The following CSMD1 variants were observed in gnomAD, a reference collection of about 807,000 sequenced individuals.
The protein encoded by CSMD1 is CUB and sushi domain-containing protein 1.
CSMD1 carries 213 observed loss-of-function variants against 417.5 expected under a neutral mutation model. The observed-to-expected ratio is 0.51, with a 90% CI of 0.46 to 0.57. CSMD1 has a LOEUF of 0.57. Ranked by LOEUF, CSMD1 falls within the 20% of genes least tolerant of loss-of-function variation. The pLI is 0.00. For missense variants in CSMD1, 6,923 were observed against 4,529.7 expected, an observed-to-expected ratio of 1.53 and a Z score of -15.17; for synonymous variants, 2,862 against 1,736.8, an observed-to-expected ratio of 1.65 and a Z score of -16.11.
intron 3 of CSMD1, among the ~76,000 whole-genome samples, chr8:4,153,935 C>G (rs528341441): frequency 6.6e-6 from 1 of 152,348 alleles, no homozygotes; most frequent in East Asian, 1.9e-4. Flanking sequence ...ACTGTGGATC[C>G]TGCTTTCAAG....
intron 2 of CSMD1, among the ~76,000 whole-genome samples, chr8:4,584,838 C>A (rs894945893): frequency 6.6e-6 from 1 of 152,064 alleles, no homozygotes; most frequent in East Asian, 1.9e-4. Context: ...TCTAGTTTCT[C>A]CTATAAGAAA....
chr8:3,278,019 T>C (rs376384535), intron 26 of CSMD1, among the ~76,000 whole-genome samples: 8 of 152,182 alleles, frequency 5.3e-5, no homozygotes, highest in South Asian at 2.1e-4. Flanking sequence ...TTAAAAAATA[T>C]ATGGATAGAG....
At chr8:4,365,806 G>T (rs1272655275) in intron 3 of CSMD1, among the ~76,000 whole-genome samples, 2 of 152,118 alleles carry the variant, frequency 1.3e-5, no homozygotes, top group African/African-American at 4.8e-5. Flanking sequence ...TTACCCTCCA[G>T]AGGTTTTGAT....
intron 41 of CSMD1, among the ~76,000 whole-genome samples, chr8:3,131,131 C>T (rs189604372): frequency 3.2e-4 from 48 of 152,122 alleles, no homozygotes; most frequent in Admixed American, 3.1e-3. Context: ...CAAAGGAAAC[C>T]AGCCATTTTA....
chr8:4,751,273 T>C (rs1347666908), intron 1 of CSMD1, among the ~76,000 whole-genome samples: 1 of 151,952 alleles, frequency 6.6e-6, no homozygotes, highest in East Asian at 2.0e-4. Flanking sequence ...CAGTCCCAGC[T>C]ACTTGGGAGG....
At chr8:3,493,123 G>C (rs529751305) in intron 11 of CSMD1, among the ~76,000 whole-genome samples, 5 of 151,888 alleles carry the variant, frequency 3.3e-5, no homozygotes, top group South Asian at 2.1e-4. Flanking sequence ...GCAAACGCCT[G>C]TCTCTAATAA....
At chr8:4,244,102 C>T (rs1307188395) in intron 3 of CSMD1, among the ~76,000 whole-genome samples, 1 of 152,160 alleles carries the variant, frequency 6.6e-6, no homozygotes, top group Non-Finnish European at 1.5e-5. Context: ...CTGAAGATGA[C>T]TACTGGGTGC....
At chr8:4,620,093 CATTA>C (rs1165042014) in intron 2 of CSMD1, among the ~76,000 whole-genome samples, 1 of 151,734 alleles carries the variant, frequency 6.6e-6, no homozygotes, top group Non-Finnish European at 1.5e-5. Context: ...ATAATACTCA[CATTA>C]ATTAATTATT....
chr8:4,215,164 G>T (rs1472577210), intron 3 of CSMD1, among the ~76,000 whole-genome samples: 1 of 152,138 alleles, frequency 6.6e-6, no homozygotes, highest in African/African-American at 2.4e-5. Context: ...CCCAAACAGG[G>T]GCTGATAGGG....
In CSMD1 at chr8:4,470,460, T is replaced by C. The variant is rs567121578; in HGVS notation, c.303-50395A>G. 1.1e-3 allele frequency among the ~76,000 whole-genome samples: 166 copies of C among 152,368 alleles called. 1 individual carries two copies. The highest frequency in any genetic ancestry group is 3.9e-3 in the African/African-American group (163 of 41,588). On this transcript the variant is annotated intron_variant, in intron 2 of 69. Coordinates refer to ENST00000635120, the MANE Select transcript of CSMD1 (RefSeq NM_033225.6). ...CTGCTATGTAGACAGGTTGGGGTCA[T>C]GGTCGGCAGCTCAATGCTTAACTGG... is the stretch of plus-strand genomic sequence containing the variant.
intron 1 of CSMD1, among the ~76,000 whole-genome samples, chr8:4,930,425 A>G (rs562869305): frequency 3.9e-5 from 6 of 152,126 alleles, no homozygotes; most frequent in African/African-American, 1.4e-4. Context: ...CATTTTGAGA[A>G]GTGGCGCTTA....
intron 3 of CSMD1, among the ~76,000 whole-genome samples, chr8:4,329,997 C>G (rs574578494): frequency 2.0e-5 from 3 of 152,224 alleles, no homozygotes; most frequent in Non-Finnish European, 2.9e-5. Flanking sequence ...GATGCCAGCA[C>G]CATGCTTCCT....
intron 3 of CSMD1, among the ~76,000 whole-genome samples, chr8:4,092,896 A>C (rs1160808178): frequency 6.6e-6 from 1 of 152,182 alleles, no homozygotes; most frequent in African/African-American, 2.4e-5. Context: ...GGACTTGCCA[A>C]AACACAAGTT....
intron 5 of CSMD1, among the ~76,000 whole-genome samples, chr8:3,957,090 T>A (rs1025281623): frequency 6.6e-6 from 1 of 151,948 alleles, no homozygotes; most frequent in South Asian, 2.1e-4. Context: ...TCTGTATATG[T>A]CTTTGGAAAC....
chr8:4,830,672 T>C (rs1462623684), intron 1 of CSMD1, among the ~76,000 whole-genome samples: 2 of 152,248 alleles, frequency 1.3e-5, no homozygotes, highest in Non-Finnish European at 2.9e-5. Flanking sequence ...ATCCACTTAA[T>C]GCATGCCAAC....
chr8:3,450,664 G>C (rs985220568), intron 12 of CSMD1, among the ~76,000 whole-genome samples: 1 of 151,782 alleles, frequency 6.6e-6, no homozygotes, highest in East Asian at 1.9e-4. Context: ...TCATGGCTGC[G>C]TAGTATTCCA....
At position 3,230,060 on chromosome 8, in the gene CSMD1, GGTTGCCAAA is replaced by G; in HGVS notation, c.4316_4324del (p.Phe1439_Pro1442delinsSer). On this transcript the variant is annotated inframe_deletion, in exon 27 of 70. Transcript: ENST00000635120. Reference sequence around the variant, plus strand: ...GATACCTATGCATGTAGGAGGGTCTGGTTGCCAAAAGAACCGGTTATTCAGCTGCACACA... The same window carrying G: ...GATACCTATGCATGTAGGAGGGTCTGAGAACCGGTTATTCAGCTGCACACA... 1 of 1,607,468 alleles carries G rather than the reference GGTTGCCAAA, an allele frequency of 6.2e-7. No homozygotes were observed. Among genetic ancestry groups the G allele is most frequent in the Non-Finnish European group, 8.5e-7 (1 of 1,176,492 alleles).
chr8:3,671,749 A>G (rs1799080406), intron 7 of CSMD1, among the ~76,000 whole-genome samples: 1 of 151,732 alleles, frequency 6.6e-6, no homozygotes, highest in South Asian at 2.1e-4. Flanking sequence ...CTGGGACACA[A>G]AACAGGCCCC....
chr8:4,044,805 G>C (rs1010587944), intron 3 of CSMD1, among the ~76,000 whole-genome samples: 1 of 110,040 alleles, frequency 9.1e-6, no homozygotes, highest in African/African-American at 3.1e-5. Context: ...TACCACCCTG[G>C]ATGTGAACCA....
Sources: gnomAD v4.1 joint callset for allele counts (sites outside exome capture counted in the v4.1 genomes callset) on GRCh38, gnomAD v4.1.1 for gene constraint, MANE v1.5 for transcripts, NCBI Gene and HGNC (gene_info 2026-07-23, HGNC 2026-07-21) for gene names.